The following HERC4 variants were observed in gnomAD, a reference collection of about 807,000 sequenced individuals.
HERC4 encodes HECT and RLD domain containing E3 ubiquitin protein ligase 4, also known as probable E3 ubiquitin-protein ligase HERC4.
In HERC4, 28 loss-of-function variants were observed where a neutral mutation model predicts 124.3. That is an observed-to-expected ratio of 0.23 (90% CI 0.17 to 0.31). The LOEUF (loss-of-function observed/expected upper bound fraction) is 0.31. HERC4 is among the 10% of genes least tolerant of loss of function. HERC4 has a pLI of 1.00. For missense variants in HERC4, 713 were observed against 1,229.3 expected (o/e 0.58, Z 6.28); for synonymous variants, 407 against 421.5 (o/e 0.97, Z 0.42).
intron 7 of HERC4, 54 bp downstream of exon 7, chr10:68,032,720 CATTA>C: frequency 1.2e-6 from 1 of 845,650 alleles, no homozygotes; most frequent in Non-Finnish European, 2.0e-6. Flanking sequence ...TGAGAACATT[CATTA>C]ATTATGAAAG....
chr10:68,010,642 T>C, intron 9 of HERC4: 9 of 1,444,796 alleles, frequency 6.2e-6, no homozygotes, highest in Non-Finnish European at 7.7e-6. Flanking sequence ...TTTTCATTGT[T>C]GTCGGCTTCC....
intron 15 of HERC4, among the ~76,000 whole-genome samples, chr10:67,971,525 G>C (rs1384629983): frequency 1.3e-5 from 2 of 151,780 alleles, no homozygotes; most frequent in East Asian, 1.9e-4. Context: ...AAAAAAAGGA[G>C]AAAAAAATCA....
intron 23 of HERC4, among the ~76,000 whole-genome samples, chr10:67,931,667 C>T (rs377012855): frequency 2.0e-5 from 3 of 152,206 alleles, no homozygotes; most frequent in Admixed American, 1.3e-4. Context: ...TCAGGTGATC[C>T]GCCCACCTTG....
At chr10:67,975,698 T>G (rs575869255) in intron 15 of HERC4, among the ~76,000 whole-genome samples, 1 of 152,348 alleles carries the variant, frequency 6.6e-6, no homozygotes, top group South Asian at 2.1e-4. Context: ...TTGCTTGATC[T>G]TGTGGCTTAG....
intron 9 of HERC4, among the ~76,000 whole-genome samples, chr10:68,008,822 A>C (rs1411920717): frequency 6.6e-6 from 1 of 152,242 alleles, no homozygotes; most frequent in Admixed American, 6.5e-5. Flanking sequence ...TGGTATAAGC[A>C]TACCTCAAAG....
chr10:68,059,673 T>A lies in HERC4; in HGVS notation c.226+13210A>T, dbSNP rs770848516. Among the ~76,000 whole-genome samples the A allele has an allele frequency of 4.3e-3, 288 of 67,704 alleles. 25 individuals carry two copies. The highest frequency in any genetic ancestry group is 7.3e-3 in the South Asian group (16 of 2,192). The allele number at this position is 67,704 out of a possible 152,430, so 44.4% of individuals were successfully genotyped here. A position where few individuals can be genotyped will look rare whatever the true frequency, so the allele number is the denominator to read the frequency against. ...ATTATATATCATATTATATATTATA[T>A]TATATATCATAATATTATATATTAT... On this transcript the variant is annotated intron_variant, in intron 3 of 24. Transcript: ENST00000373700.
At chr10:67,923,186 T>TA (rs1267941051) in intron 24 of HERC4, 47 bp from the exon 25 acceptor site, 6 of 1,413,324 alleles carry the variant, frequency 4.2e-6, no homozygotes, top group Non-Finnish European at 6.0e-6. Context: ...AACAAAAAGA[T>TA]ACAGTAGCAA....
At position 68,025,606 on chromosome 10, in the gene HERC4, A is replaced by G. The variant is rs748785500; in HGVS notation, c.848T>C (p.Ile283Thr). 3.7e-6 allele frequency: 6 copies of G among 1,613,864 alleles called. No individual in the cohort carries two copies. Among genetic ancestry groups the G allele is most frequent in the Non-Finnish European group, 5.1e-6 (6 of 1,179,876 alleles). Reference sequence around the variant, plus strand: ...AAGTTCAAAAACTTTCCTTGGGTTTATTTCATGACTGGTAGAATTATGGCC... The same window carrying G: ...AAGTTCAAAAACTTTCCTTGGGTTTGTTTCATGACTGGTAGAATTATGGCC... ...QLGHNSTSHE[I>T]NPRKVFELMG... Residue 283 changes from isoleucine (I) to threonine (T), a missense_variant, in exon 8 of 25, where the codon ATA becomes ACA. By Grantham distance (89) the Ile-to-Thr change is moderately conservative. Transcript: ENST00000373700.
Position 68,059,725 on chromosome 10 carries a change from T to TTATAA in HERC4, c.226+13157_226+13158insTTATA, listed in dbSNP as rs1230204477. ...ATATTATATATCATAATATTATATA[T>TTATAA]TATATATCATAATATTATATATTAT... is the stretch of plus-strand genomic sequence containing the variant. On this transcript the variant is annotated intron_variant, in intron 3 of 24. Coordinates refer to ENST00000373700, the MANE Select transcript of HERC4 (RefSeq NM_015601.4). Among the ~76,000 whole-genome samples, 106 of 60,594 alleles carry TTATAA rather than the reference T, an allele frequency of 1.7e-3. 10 individuals carry two copies. The highest frequency in any genetic ancestry group is 2.2e-3 in the Non-Finnish European group (88 of 39,262). The allele number at this position is 60,594 out of a possible 152,430, so 39.8% of individuals were successfully genotyped here.
intron 4 of HERC4, 143 bp downstream of exon 4, chr10:68,044,261 G>A (rs908242755): frequency 2.3e-5 from 15 of 657,400 alleles, no homozygotes; most frequent in Non-Finnish European, 3.3e-5. Flanking sequence ...TCATAAGCAA[G>A]AACCAAACTC....
intron 3 of HERC4, among the ~76,000 whole-genome samples, chr10:68,050,312 T>C (rs1401034048): frequency 1.3e-5 from 2 of 152,212 alleles, no homozygotes; most frequent in African/African-American, 2.4e-5. Flanking sequence ...GCTTTGATGT[T>C]TGAACCATGT....
chr10:67,985,229 C>T (rs1267447162), intron 15 of HERC4, among the ~76,000 whole-genome samples: 1 of 152,052 alleles, frequency 6.6e-6, no homozygotes, highest in Non-Finnish European at 1.5e-5. Flanking sequence ...AAAGTTTAGA[C>T]AATCTCTCAA....
intron 7 of HERC4, among the ~76,000 whole-genome samples, chr10:68,030,329 TACTTGGGAGGCTGAGGCATGAGAATC>T (rs1465635147): frequency 6.6e-6 from 1 of 151,830 alleles, no homozygotes; most frequent in Non-Finnish European, 1.5e-5. Context: ...TAATCCCAGC[TACTTGGGAGGCTGAGGCATGAGAATC>T]ACTTGAACCT....
chr10:68,065,497 G>C (rs931753151), intron 3 of HERC4, among the ~76,000 whole-genome samples: 1 of 152,080 alleles, frequency 6.6e-6, no homozygotes, highest in Non-Finnish European at 1.5e-5. Context: ...ACACAAAAGA[G>C]TAAATCTAGG....
chr10:67,997,957 A>G (rs955940974), intron 9 of HERC4, among the ~76,000 whole-genome samples: 9 of 152,050 alleles, frequency 5.9e-5, no homozygotes, highest in Admixed American at 5.2e-4. Context: ...GCTGGAGTGC[A>G]GTGGTGTGAT....
At chr10:68,031,924 G>A (rs774080178) in intron 7 of HERC4, among the ~76,000 whole-genome samples, 31 of 151,988 alleles carry the variant, frequency 2.0e-4, no homozygotes, top group Non-Finnish European at 2.4e-4. Context: ...GCTAACTTTC[G>A]TATTTTTAGA....
intron 3 of HERC4, among the ~76,000 whole-genome samples, chr10:68,066,802 G>C (rs1280310884): frequency 6.6e-6 from 1 of 152,136 alleles, no homozygotes; most frequent in African/African-American, 2.4e-5. Flanking sequence ...CTGTTCGTTT[G>C]TTCAAATATT....
intron 19 of HERC4, among the ~76,000 whole-genome samples, chr10:67,941,598 C>T (rs77299457): frequency 0.019 from 2,887 of 150,692 alleles, 89 homozygotes; most frequent in African/African-American, 0.067. Flanking sequence ...TTTAATACAC[C>T]GTATTTAAGA....
intron 23 of HERC4, among the ~76,000 whole-genome samples, chr10:67,926,041 G>C (rs951520469): frequency 6.6e-6 from 1 of 152,164 alleles, no homozygotes; most frequent in Non-Finnish European, 1.5e-5. Flanking sequence ...TTGTTATTTT[G>C]AAGCCAATAA....
Sources: gnomAD v4.1 joint callset for allele counts (sites outside exome capture counted in the v4.1 genomes callset) on GRCh38, gnomAD v4.1.1 for gene constraint, MANE v1.5 for transcripts, NCBI Gene and HGNC (gene_info 2026-07-23, HGNC 2026-07-21) for gene names.